The following MUSK variants were observed in gnomAD, a reference collection of about 807,000 sequenced individuals.
The protein encoded by MUSK is muscle, skeletal receptor tyrosine-protein kinase.
Under a neutral mutation model 88.7 loss-of-function variants are expected in MUSK, and 55 were observed. The ratio of observed to expected loss-of-function variants is 0.62; its 90% CI spans 0.50 to 0.78. The LOEUF is 0.78. Among genes scored for constraint, MUSK ranks in the 30% least tolerant of loss-of-function variants. The pLI is 0.00. For synonymous variants in MUSK, 387 were observed against 391.9 expected, an observed-to-expected ratio of 0.99 and a Z score of 0.15; for missense variants, 1,015 against 1,074.3, an observed-to-expected ratio of 0.94 and a Z score of 0.77.
chr9:110,692,145 G>A (rs141047887), intron 3 of MUSK, among the ~76,000 whole-genome samples: 23 of 151,328 alleles, frequency 1.5e-4, no homozygotes, highest in African/African-American at 5.3e-4. Flanking sequence ...TGTTTGTTTG[G>A]TTGGTTGGTT....
In MUSK at chr9:110,697,404, G is replaced by C; in HGVS notation, c.566G>C (p.Arg189Pro). The C allele has an allele frequency of 1.2e-6, 2 of 1,612,560 alleles. No homozygotes were observed. Among genetic ancestry groups the C allele is most frequent in the African/African-American group, 2.7e-5 (2 of 74,972 alleles). ...NVQKEDAGQY[R>P]CVAKNSLGTA... ...CAAAAGGAAGATGCAGGACAGTATC[G>C]ATGTGTGGCAAAAAACAGCCTCGGG... The change falls in exon 5 of 15, where the codon CGA (arginine) becomes CCA (proline). Residue 189 changes from arginine (R) to proline (P), a missense_variant. Transcript: ENST00000374448.
At chr9:110,688,358 T>G (rs2076224824) in intron 3 of MUSK, among the ~76,000 whole-genome samples, 1 of 152,176 alleles carries the variant, frequency 6.6e-6, no homozygotes, top group Non-Finnish European at 1.5e-5. Context: ...GTTTGTCTTT[T>G]TTTTTCAATT....
In MUSK at chr9:110,686,650, G is replaced by A. The variant is rs952351054; in HGVS notation, c.207-467G>A. 7.2e-5 allele frequency among the ~76,000 whole-genome samples: 11 copies of A among 152,212 alleles called. No homozygotes were observed. In the East Asian group the frequency reaches 9.7e-4, roughly 13 times the overall value. ...CTAGAAGTGTGCCTGGCACTTGTTA[G>A]CAATCAGTAAGTAATTGTTTAATGA... On this transcript the variant is annotated intron_variant, in intron 2 of 14. Transcript: ENST00000374448.
At position 110,705,196 on chromosome 9, in the gene MUSK, T is replaced by C. The variant is rs190116517; in HGVS notation, c.628+7730T>C. On this transcript the variant is annotated intron_variant, in intron 5 of 14. Transcript: ENST00000374448. ...TGAATCTTTCTGTTCATTAGTTTGA[T>C]ATTTTTGCAGTTCTGTTGCTCCATT... Among the ~76,000 whole-genome samples, 360 of 152,332 alleles carry C rather than the reference T, an allele frequency of 2.4e-3. 2 individuals carry two copies. Among genetic ancestry groups the C allele is most frequent in the South Asian group, 3.5e-3 (17 of 4,828 alleles).
intron 9 of MUSK, among the ~76,000 whole-genome samples, chr9:110,772,114 A>G (rs907544311): frequency 2.0e-5 from 3 of 150,076 alleles, no homozygotes; most frequent in Non-Finnish European, 3.0e-5. Context: ...TATATATAAT[A>G]TAAAACTATA....
chr9:110,680,732 C>T (rs2131643201), intron 1 of MUSK, among the ~76,000 whole-genome samples: 1 of 150,708 alleles, frequency 6.6e-6, no homozygotes, highest in East Asian at 2.0e-4. Context: ...GTACTTTCGA[C>T]CTTAATATTC....
chr9:110,777,111 C>T (rs949436182), intron 11 of MUSK, among the ~76,000 whole-genome samples: 4 of 151,792 alleles, frequency 2.6e-5, no homozygotes, highest in Admixed American at 1.3e-4. Flanking sequence ...AGCTGATTTC[C>T]AGTATAAAGT....
intron 7 of MUSK, among the ~76,000 whole-genome samples, chr9:110,749,120 A>G (rs2077215564): frequency 6.6e-6 from 1 of 152,230 alleles, no homozygotes; most frequent in Non-Finnish European, 1.5e-5. Flanking sequence ...CTGTTTATAA[A>G]GCACTTTTAC....
chr9:110,682,526 T>C (rs1238979757), intron 1 of MUSK, 148 bp from the exon 2 acceptor site: 4 of 687,784 alleles, frequency 5.8e-6, no homozygotes, highest in Non-Finnish European at 9.4e-6. Context: ...ACAACATTCT[T>C]TACATAAGCT....
At chr9:110,701,907 T>A (rs1292510517) in intron 5 of MUSK, among the ~76,000 whole-genome samples, 1 of 129,776 alleles carries the variant, frequency 7.7e-6, no homozygotes, top group Non-Finnish European at 1.6e-5. Context: ...TTATTTTATT[T>A]TATTTTATTT....
At chr9:110,726,727 A>AAG (rs1340907266) in intron 5 of MUSK, among the ~76,000 whole-genome samples, 3 of 152,026 alleles carry the variant, frequency 2.0e-5, no homozygotes, top group Non-Finnish European at 4.4e-5. Context: ...GAAATAGAAA[A>AAG]AGAGAGAGAG....
intron 5 of MUSK, among the ~76,000 whole-genome samples, chr9:110,705,491 A>G (rs904990829): frequency 2.6e-5 from 4 of 152,172 alleles, no homozygotes; most frequent in African/African-American, 9.7e-5. Context: ...TGAAGTCTCC[A>G]CTCATCTGAC....
intron 2 of MUSK, among the ~76,000 whole-genome samples, chr9:110,684,146 T>A (rs1021926571): frequency 1.3e-5 from 2 of 152,118 alleles, no homozygotes; most frequent in African/African-American, 4.8e-5. Flanking sequence ...CCATTTTGAT[T>A]TGATTTTTGT....
chr9:110,711,046 C>T (rs1222261530), intron 5 of MUSK, among the ~76,000 whole-genome samples: 2 of 151,814 alleles, frequency 1.3e-5, no homozygotes, highest in Non-Finnish European at 2.9e-5. Flanking sequence ...GGGAATTGAA[C>T]AATGAGAACA....
chr9:110,778,985 T>C (rs1293528149), intron 11 of MUSK, among the ~76,000 whole-genome samples: 1 of 152,026 alleles, frequency 6.6e-6, no homozygotes, highest in Non-Finnish European at 1.5e-5. Flanking sequence ...ACATGCTTTG[T>C]GTCCCAGACC....
chr9:110,689,615 GTA>G (rs1214455402), intron 3 of MUSK, among the ~76,000 whole-genome samples: 5 of 53,054 alleles, frequency 9.4e-5, no homozygotes, highest in African/African-American at 1.4e-4. Flanking sequence ...ATATATTTTA[GTA>G]TATATATTAT....
At chr9:110,688,809 G>C (rs2076232491) in intron 3 of MUSK, among the ~76,000 whole-genome samples, 1 of 151,426 alleles carries the variant, frequency 6.6e-6, no homozygotes, top group Non-Finnish European at 1.5e-5. Context: ...CCATTTTATG[G>C]CTCTGTAGTA....
chr9:110,686,999 A>G, intron 2 of MUSK, 118 bp from the exon 3 acceptor site: 1 of 933,840 alleles, frequency 1.1e-6, no homozygotes, highest in Non-Finnish European at 1.6e-6. Flanking sequence ...AAGTCACTCA[A>G]GTTTCCTCTC....
intron 3 of MUSK, among the ~76,000 whole-genome samples, chr9:110,688,900 A>C (rs1161832245): frequency 1.4e-5 from 2 of 147,910 alleles, no homozygotes; most frequent in African/African-American, 4.9e-5. Flanking sequence ...TAACTGTTTT[A>C]TTGTTTTTTT....
Sources: allele counts gnomAD v4.1 joint callset (sites outside exome capture counted in the v4.1 genomes callset), GRCh38; gene constraint gnomAD v4.1.1; transcripts MANE v1.5; gene names NCBI Gene and HGNC (gene_info 2026-07-23, HGNC 2026-07-21).